PDZRN3: variants seen among roughly 807,000 people sequenced by gnomAD.
PDZRN3 encodes the protein E3 ubiquitin-protein ligase PDZRN3.
Under a neutral mutation model 85.7 loss-of-function variants are expected in PDZRN3, and 38 were observed. The observed-to-expected ratio is 0.44, with a 90% CI of 0.34 to 0.58. The LOEUF (loss-of-function observed/expected upper bound fraction) is 0.58. Among genes scored for constraint, PDZRN3 ranks in the 20% least tolerant of loss-of-function variants. The probability of loss-of-function intolerance (pLI) is 0.01; values close to 1 mark genes in which losing one functional copy is unlikely to be tolerated. For missense variants in PDZRN3, 1,629 were observed against 1,506.4 expected, an observed-to-expected ratio of 1.08 and a Z score of -1.35; for synonymous variants, 759 against 638.0, an observed-to-expected ratio of 1.19 and a Z score of -2.86.
In PDZRN3 at chr3:73,615,287, T is replaced by C. The variant is rs1026667641; in HGVS notation, c.724-6603A>G. Among the ~76,000 whole-genome samples the C allele has an allele frequency of 2.4e-4, 36 of 152,228 alleles. 1 individual carries two copies. The highest frequency in any genetic ancestry group is 3.2e-3 in the Middle Eastern group (1 of 316). On this transcript the variant is annotated intron_variant, in intron 1 of 9. Transcript: ENST00000263666. ...AATTTCTTATTTCCACGAGCTTGATTTCAAATTTTCTCTCTCATTTTTGTC... is the reference window on the plus strand; with the variant it reads ...AATTTCTTATTTCCACGAGCTTGATCTCAAATTTTCTCTCTCATTTTTGTC...
At chr3:73,609,821 T>C (rs552596788) in intron 1 of PDZRN3, among the ~76,000 whole-genome samples, 1 of 152,360 alleles carries the variant, frequency 6.6e-6, no homozygotes, top group South Asian at 2.1e-4. Flanking sequence ...TGCAACTCTC[T>C]GACTCAACCA....
At chr3:73,458,917 G>A (rs990347001) in intron 3 of PDZRN3, among the ~76,000 whole-genome samples, 6 of 151,530 alleles carry the variant, frequency 4.0e-5, no homozygotes, top group Admixed American at 3.9e-4. Flanking sequence ...GATTCAACCC[G>A]GGAGGTGGAG....
chr3:73,569,628 G>A, intron 3 of PDZRN3: 2 of 957,718 alleles, frequency 2.1e-6, no homozygotes, highest in Non-Finnish European at 1.2e-6. Flanking sequence ...TGTGTCTGGG[G>A]TCTTCTCCAG....
At position 73,384,120 on chromosome 3, in the gene PDZRN3, C is replaced by CGGGATCTTCCGTGAT. The variant is rs1559645642; in HGVS notation, c.2431_2445dup (p.Ile811_Pro815dup). 6.2e-7 allele frequency: 1 copy of CGGGATCTTCCGTGAT among 1,614,028 alleles called. No homozygotes were observed. Among genetic ancestry groups the CGGGATCTTCCGTGAT allele is most frequent in the Admixed American group, 1.7e-5 (1 of 60,018 alleles). Reference sequence around the variant, plus strand: ...GGGCTATAGGTAGGGGTGCCCACTTCGGGATCTTCCGTGATGGAGAGCAGA... The same window carrying CGGGATCTTCCGTGAT: ...GGGCTATAGGTAGGGGTGCCCACTTCGGGATCTTCCGTGATGGGATCTTCCGTGATGGAGAGCAGA... On this transcript the variant is annotated inframe_insertion, in exon 10 of 10. Transcript: ENST00000263666.
chr3:73,480,822 T>C (rs933545922), intron 3 of PDZRN3, among the ~76,000 whole-genome samples: 10 of 152,320 alleles, frequency 6.6e-5, no homozygotes, highest in Admixed American at 1.3e-4. Flanking sequence ...CTAGTACGCA[T>C]ACTTTGGCCA....
Position 73,384,135 on chromosome 3 carries a change from T to G in PDZRN3, c.2431A>C (p.Ile811Leu). Residue 811 changes from isoleucine to leucine, a missense_variant, in exon 10 of 10, where the codon ATC becomes CTC. Ile to Leu is a conservative substitution (Grantham distance 5). Transcript: ENST00000263666. ...YGPASKNLLS[I>L]TEDPEVGTPT... ...GTGCCCACTTCGGGATCTTCCGTGA[T>G]GGAGAGCAGATTCTTGGAGGCTGGC... 6.2e-7 allele frequency: 1 copy of G among 1,614,096 alleles called. No homozygotes were observed. Among genetic ancestry groups the G allele is most frequent in the Non-Finnish European group, 8.5e-7 (1 of 1,180,016 alleles).
At chr3:73,606,217 T>C (rs1702597566) in intron 2 of PDZRN3, among the ~76,000 whole-genome samples, 1 of 152,218 alleles carries the variant, frequency 6.6e-6, no homozygotes, top group African/African-American at 2.4e-5. Flanking sequence ...AATTGTGAAG[T>C]GAATCTTAAT....
At chr3:73,515,617 T>C (rs1704243908) in intron 3 of PDZRN3, among the ~76,000 whole-genome samples, 1 of 152,198 alleles carries the variant, frequency 6.6e-6, no homozygotes, top group Non-Finnish European at 1.5e-5. Context: ...TAAAGATCGA[T>C]TTCCACAGAA....
rs1482425631 is a variant in PDZRN3 at position 73,532,742 on chromosome 3, C to T, written c.918+69612G>A. 3.3e-5 allele frequency among the ~76,000 whole-genome samples: 5 copies of T among 152,138 alleles called. No individual in the cohort carries two copies. In the East Asian group the frequency reaches 9.6e-4, roughly 29 times the overall value. On this transcript the variant is annotated intron_variant, in intron 3 of 9. Transcript: ENST00000263666. ...CCTCGCAGAAAGAGCATGTTCAGTCCTGGGAGAATAAGTGAAGAGGCATTA... is the reference window on the plus strand; with the variant it reads ...CCTCGCAGAAAGAGCATGTTCAGTCTTGGGAGAATAAGTGAAGAGGCATTA...
chr3:73,446,574 G>C lies in PDZRN3; in HGVS notation c.919-42179C>G, dbSNP rs80034459. ...ATAACCTCAGGAGTTTCAAAACAGAGTAAGTTTAAATTTACAGAATACTCA... is the reference window on the plus strand; with the variant it reads ...ATAACCTCAGGAGTTTCAAAACAGACTAAGTTTAAATTTACAGAATACTCA... On this transcript the variant is annotated intron_variant, in intron 3 of 9. Transcript: ENST00000263666. 1.4e-3 allele frequency among the ~76,000 whole-genome samples: 212 copies of C among 152,254 alleles called. 4 individuals carry two copies. The East Asian group carries it at 0.033, about 24-fold the overall frequency.
Position 73,384,552 on chromosome 3 carries a change from C to G in PDZRN3, c.2014G>C (p.Asp672His). The change falls in exon 10 of 10, where the codon GAC becomes CAC. Residue 672 changes from aspartate to histidine, a missense_variant. Transcript: ENST00000263666. ...CTCTCAGGGTCACTCTTGCCGGCGT[C>G]CAGGGGGCCGCTAGGGTAGTACAGG... ...YGLYYPSGPL[D>H]AGKSDPESVD... The G allele has an allele frequency of 6.2e-7, 1 of 1,613,730 alleles. No homozygotes were observed. Among genetic ancestry groups the G allele is most frequent in the Non-Finnish European group, 8.5e-7 (1 of 1,180,036 alleles).
intron 3 of PDZRN3, among the ~76,000 whole-genome samples, chr3:73,409,679 G>T (rs1021809680): frequency 6.6e-6 from 1 of 152,152 alleles, no homozygotes; most frequent in Non-Finnish European, 1.5e-5. Context: ...AAACCAGAGA[G>T]AGGCTTGGTT....
intron 2 of PDZRN3, among the ~76,000 whole-genome samples, chr3:73,605,778 T>C (rs1294864681): frequency 1.3e-5 from 2 of 152,220 alleles, no homozygotes; most frequent in Non-Finnish European, 2.9e-5. Context: ...AGGGCAAATT[T>C]TGAAAAACAC....
intron 1 of PDZRN3, chr3:73,623,773 A>C (rs906106675): frequency 4.2e-6 from 1 of 236,512 alleles, no homozygotes; most frequent in East Asian, 8.1e-5. Context: ...TGAGCAGCAA[A>C]GCCTTTGAAC....
At position 73,450,293 on chromosome 3, in the gene PDZRN3, G is replaced by A. The variant is rs75884045; in HGVS notation, c.919-45898C>T. Reference sequence around the variant, plus strand: ...GCAATTCTTCCTTACCCTATAGAGCGTACTAAACATTCTCAAGCCCTTGTT... The same window carrying A: ...GCAATTCTTCCTTACCCTATAGAGCATACTAAACATTCTCAAGCCCTTGTT... On this transcript the variant is annotated intron_variant, in intron 3 of 9. Coordinates refer to ENST00000263666, the MANE Select transcript of PDZRN3 (RefSeq NM_015009.3). 8.1e-3 allele frequency among the ~76,000 whole-genome samples: 1,228 copies of A among 152,230 alleles called. 8 individuals carry two copies. Among genetic ancestry groups the A allele is most frequent in the Middle Eastern group, 0.024 (7 of 294 alleles).
chr3:73,431,543 C>T (rs546602236), intron 3 of PDZRN3, among the ~76,000 whole-genome samples: 23 of 152,210 alleles, frequency 1.5e-4, no homozygotes, highest in East Asian at 1.4e-3. Flanking sequence ...ATAATAAGAG[C>T]GAGAATGCAA....
At chr3:73,404,487 G>T in intron 3 of PDZRN3, 92 bp from the exon 4 acceptor site, 1 of 1,377,370 alleles carries the variant, frequency 7.3e-7, no homozygotes, top group Non-Finnish European at 9.9e-7. Flanking sequence ...TGTGTAAGCA[G>T]CTAAAAGAAA....
chr3:73,431,617 A>G (rs1702432636), intron 3 of PDZRN3, among the ~76,000 whole-genome samples: 2 of 152,216 alleles, frequency 1.3e-5, no homozygotes, highest in African/African-American at 4.8e-5. Context: ...CCCAAAGAAT[A>G]GGAGCAGGGG....
chr3:73,549,767 T>C (rs1334288800), intron 3 of PDZRN3, among the ~76,000 whole-genome samples: 1 of 152,224 alleles, frequency 6.6e-6, no homozygotes, highest in African/African-American at 2.4e-5. Context: ...ACCATGTTTG[T>C]CTGAGTCACC....
Sources: allele counts gnomAD v4.1 joint callset (sites outside exome capture counted in the v4.1 genomes callset), GRCh38; gene constraint gnomAD v4.1.1; transcripts MANE v1.5; gene names NCBI Gene and HGNC (gene_info 2026-07-23, HGNC 2026-07-21).